The following FMN1 variants were observed in gnomAD, a reference collection of about 807,000 sequenced individuals.
FMN1 encodes formin 1, also known as formin-1.
Under a neutral mutation model 132.4 loss-of-function variants are expected in FMN1, and 110 were observed. The ratio of observed to expected loss-of-function variants is 0.83; its 90% CI spans 0.71 to 0.97. The LOEUF is 0.97. Ranked by LOEUF, FMN1 falls within the 50% of genes least tolerant of loss-of-function variation. FMN1 has a pLI of 0.00. For synonymous variants in FMN1, 722 were observed against 651.7 expected (o/e 1.11, Z -1.64); for missense variants, 1,792 against 1,705.3 (o/e 1.05, Z -0.90).
At chr15:32,925,477 A>C (rs1411059253) in intron 10 of FMN1, among the ~76,000 whole-genome samples, 3 of 152,186 alleles carry the variant, frequency 2.0e-5, no homozygotes, top group Admixed American at 2.0e-4. Flanking sequence ...CAAAACCTAA[A>C]ATGTGGGGAA....
intron 4 of FMN1, among the ~76,000 whole-genome samples, chr15:33,129,006 T>TGCTGATTGGTCCATTTTC: frequency 6.7e-6 from 1 of 148,630 alleles, no homozygotes. Flanking sequence ...GGTCCATTTT[T>TGCTGATTGGTCCATTTTC]ACAGAATGCT....
chr15:33,151,300 T>C (rs759692908), intron 4 of FMN1: 3 of 1,536,390 alleles, frequency 2.0e-6, no homozygotes, highest in African/African-American at 1.4e-5. Context: ...CTTCTTCTTT[T>C]ATAAGGTTAG....
At chr15:32,873,164 G>T (rs1264386480) in intron 16 of FMN1, among the ~76,000 whole-genome samples, 1 of 152,256 alleles carries the variant, frequency 6.6e-6, no homozygotes, top group South Asian at 2.1e-4. Flanking sequence ...CTCACTTAAT[G>T]CCTGTTAAGC....
chr15:33,080,499 T>G (rs2038408630), intron 5 of FMN1, among the ~76,000 whole-genome samples: 1 of 152,208 alleles, frequency 6.6e-6, no homozygotes, highest in African/African-American at 2.4e-5. Context: ...ATGCCTGTAA[T>G]CCCAGAACTT....
Position 33,008,041 on chromosome 15 carries a change from C to A in FMN1, c.2196G>T (p.Glu732Asp). ...GCAGGTTTTCAATTTCTTCTTTGTG[C>A]TCCCTCTTCAAGTGTAAAATAGCAG... ...YQAAILHLKR[E>D]HKEEIENLQA... The change falls in exon 7 of 21, where the codon GAG becomes GAT. Residue 732 changes from glutamate (E) to aspartate (D), a missense_variant. Coordinates refer to ENST00000616417, the MANE Select transcript of FMN1 (RefSeq NM_001277313.2). The A allele has an allele frequency of 6.2e-7, 1 of 1,601,226 alleles. No homozygotes were observed. The highest frequency in any genetic ancestry group is 8.5e-7 in the Non-Finnish European group (1 of 1,173,190).
intron 5 of FMN1, among the ~76,000 whole-genome samples, chr15:33,084,767 G>A (rs1433004560): frequency 6.6e-6 from 1 of 152,146 alleles, no homozygotes; most frequent in Admixed American, 6.5e-5. Context: ...GTAACTAAAA[G>A]ATGAATGCCC....
chr15:32,798,500 C>G (rs536037536), intron 19 of FMN1, among the ~76,000 whole-genome samples: 1 of 152,224 alleles, frequency 6.6e-6, no homozygotes, highest in Non-Finnish European at 1.5e-5. Flanking sequence ...CCTGGGCCAA[C>G]ATGAAAATAC....
At chr15:32,966,147 C>G (rs2031202866) in intron 8 of FMN1, among the ~76,000 whole-genome samples, 1 of 152,014 alleles carries the variant, frequency 6.6e-6, no homozygotes, top group Non-Finnish European at 1.5e-5. Flanking sequence ...ACTGCTCAGC[C>G]CCATCCCCAC....
intron 19 of FMN1, among the ~76,000 whole-genome samples, chr15:32,777,533 ATAACATTTATATATTACG>A (rs2056469288): frequency 1.7e-4 from 3 of 17,568 alleles, no homozygotes; most frequent in South Asian, 2.0e-3. Context: ...TACGTATAAC[ATAACATTTATATATTACG>A]TATAACATAT....
chr15:32,857,808 G>T lies in FMN1; in HGVS notation c.3836-701C>A, dbSNP rs563692782. Among the ~76,000 whole-genome samples the T allele has an allele frequency of 4.6e-5, 7 of 152,328 alleles. 1 individual carries two copies. The South Asian group carries it at 1.2e-3, about 27-fold the overall frequency. ...TAAAAATGACCTACCTTATTGGATA[G>T]TTACGATTTGTCTACAGGGAAGCCA... On this transcript the variant is annotated intron_variant, in intron 16 of 20. Coordinates refer to ENST00000616417, the MANE Select transcript of FMN1 (RefSeq NM_001277313.2).
intron 4 of FMN1, among the ~76,000 whole-genome samples, chr15:33,096,960 G>A (rs1170964851): frequency 6.6e-6 from 1 of 152,010 alleles, no homozygotes; most frequent in Non-Finnish European, 1.5e-5. Flanking sequence ...AGGTCACTGG[G>A]GCTCTGGTAA....
intron 4 of FMN1, among the ~76,000 whole-genome samples, chr15:33,127,407 A>T (rs1353967205): frequency 3.9e-5 from 6 of 152,228 alleles, no homozygotes; most frequent in African/African-American, 1.4e-4. Context: ...CAAAGGATGG[A>T]CCAGAACAAC....
At chr15:32,981,560 T>C (rs1596391866) in intron 7 of FMN1, among the ~76,000 whole-genome samples, 1 of 147,888 alleles carries the variant, frequency 6.8e-6, no homozygotes, top group East Asian at 1.9e-4. Context: ...ATTATTATTA[T>C]TATTACATTC....
intron 17 of FMN1, among the ~76,000 whole-genome samples, chr15:32,829,827 A>T (rs2058459406): frequency 6.6e-6 from 1 of 152,156 alleles, no homozygotes; most frequent in Non-Finnish European, 1.5e-5. Context: ...ATCTAGATAG[A>T]ACTCTTCAAG....
At chr15:32,813,689 TTGA>T (rs1336353891) in intron 17 of FMN1, among the ~76,000 whole-genome samples, 1 of 152,194 alleles carries the variant, frequency 6.6e-6, no homozygotes, top group African/African-American at 2.4e-5. Flanking sequence ...ATGCAATTCC[TTGA>T]TGAAGTTGAT....
chr15:33,128,499 G>C (rs2468736), intron 4 of FMN1, among the ~76,000 whole-genome samples: 93,530 of 152,138 alleles, frequency 0.61, 31,752 homozygotes, highest in East Asian at 0.79. Context: ...CAAGTTCTCA[G>C]AGTCATTACA....
chr15:33,163,273 A>G (rs940655771), intron 3 of FMN1, among the ~76,000 whole-genome samples: 1 of 150,922 alleles, frequency 6.6e-6, no homozygotes, highest in African/African-American at 2.4e-5. Flanking sequence ...GGTATTTGCT[A>G]TTTTGGTTTC....
intron 18 of FMN1, among the ~76,000 whole-genome samples, chr15:32,801,788 C>G (rs1191282649): frequency 6.6e-6 from 1 of 151,422 alleles, no homozygotes; most frequent in Admixed American, 6.6e-5. Flanking sequence ...GAATGAGACT[C>G]CGTCTCAAAA....
At chr15:33,121,004 C>T (rs961557384) in intron 4 of FMN1, among the ~76,000 whole-genome samples, 1 of 152,034 alleles carries the variant, frequency 6.6e-6, no homozygotes, top group African/African-American at 2.4e-5. Flanking sequence ...AGGTTTTAGT[C>T]TTAATTATAG....
Sources: gnomAD v4.1 joint callset for allele counts (sites outside exome capture counted in the v4.1 genomes callset) on GRCh38, gnomAD v4.1.1 for gene constraint, MANE v1.5 for transcripts, NCBI Gene and HGNC (gene_info 2026-07-23, HGNC 2026-07-21) for gene names.